The following KRABD3 variants were observed in gnomAD, a reference collection of about 807,000 sequenced individuals.
KRABD3 encodes the protein KRAB domain-containing protein 3.
chr7:149,721,439 C>T, the KRABD3 span: 1 of 1,612,664 alleles, frequency 6.2e-7, no homozygotes, highest in Non-Finnish European at 8.5e-7. Flanking sequence ...TCCAGACGGC[C>T]CTACCAGCCA....
the KRABD3 span, chr7:149,731,779 G>A: frequency 6.2e-7 from 1 of 1,603,044 alleles, no homozygotes; most frequent in Non-Finnish European, 8.5e-7. Flanking sequence ...AGTTGCAGGT[G>A]AACTGGTGGC....
the KRABD3 span, chr7:149,729,717 T>C: frequency 1.0e-6 from 1 of 985,248 alleles, no homozygotes; most frequent in Non-Finnish European, 1.2e-6. Flanking sequence ...CTGGGATGCC[T>C]TTGCTGAATA....
chr7:149,718,298 C>A, the KRABD3 span, among the ~76,000 whole-genome samples: 1 of 152,036 alleles, frequency 6.6e-6, no homozygotes, highest in African/African-American at 2.4e-5. Context: ...GGTGAATTGT[C>A]TTTGCTTTAT....
chr7:149,726,460 C>T, the KRABD3 span, among the ~76,000 whole-genome samples: 510 of 145,150 alleles, frequency 3.5e-3, 1 homozygote, highest in African/African-American at 0.012. Flanking sequence ...TTTTTTGAGA[C>T]GAGTCTAACT....
the KRABD3 span, chr7:149,733,167 C>G: frequency 3.2e-6 from 5 of 1,548,836 alleles, no homozygotes; most frequent in Admixed American, 5.6e-5. Flanking sequence ...AAGGTCCTTA[C>G]AAACCAGGAA....
At chr7:149,733,801 C>T in the KRABD3 span, 299 of 1,604,472 alleles carry the variant, frequency 1.9e-4, 2 homozygotes, top group African/African-American at 3.4e-3. Flanking sequence ...CTGCACACCC[C>T]CTCCTCGCAC....
At chr7:149,721,283 C>A in the KRABD3 span, 14 of 1,405,348 alleles carry the variant, frequency 1.0e-5, no homozygotes, top group African/African-American at 1.4e-5. Flanking sequence ...ACATCCTGGT[C>A]ATTGTTAGTA....
At chr7:149,724,983 C>G in the KRABD3 span, 2 of 759,234 alleles carry the variant, frequency 2.6e-6, no homozygotes, top group Non-Finnish European at 4.0e-6. Context: ...GCAGTGAATC[C>G]CTTCATCCAC....
At chr7:149,733,250 C>T in the KRABD3 span, 7 of 1,611,656 alleles carry the variant, frequency 4.3e-6, no homozygotes, top group East Asian at 8.9e-5. Flanking sequence ...GCCTGAGCTG[C>T]CCAGTGAGTC....
chr7:149,731,566 A>T, the KRABD3 span: 8 of 905,366 alleles, frequency 8.8e-6, no homozygotes, highest in Non-Finnish European at 1.2e-5. Context: ...ATCTCATTTA[A>T]TCATTGTTTA....
the KRABD3 span, chr7:149,723,854 A>G: frequency 6.2e-7 from 1 of 1,613,820 alleles, no homozygotes; most frequent in South Asian, 1.1e-5. Context: ...CGACGGCTAC[A>G]GGAGAATCCA....
At chr7:149,720,164 C>T in the KRABD3 span, 4 of 1,549,316 alleles carry the variant, frequency 2.6e-6, no homozygotes. Flanking sequence ...TCTCCTCCCA[C>T]TCATCGGTCC....
At chr7:149,722,301 C>A in the KRABD3 span, 1 of 1,390,348 alleles carries the variant, frequency 7.2e-7, no homozygotes, top group Non-Finnish European at 9.9e-7. Context: ...GCCCTCAGCC[C>A]ACCTCGAACA....
At chr7:149,715,036 G>A in the KRABD3 span, 3 of 1,228,910 alleles carry the variant, frequency 2.4e-6, no homozygotes, top group Non-Finnish European at 1.0e-6. Context: ...GAGGAGTGGC[G>A]GGGAGGCTGA....
At chr7:149,716,999 G>A in the KRABD3 span, among the ~76,000 whole-genome samples, 2 of 152,178 alleles carry the variant, frequency 1.3e-5, no homozygotes, top group African/African-American at 4.8e-5. Flanking sequence ...AACAAGGCAG[G>A]GATTGGAATT....
the KRABD3 span, chr7:149,719,744 A>T: frequency 6.6e-7 from 1 of 1,507,198 alleles, no homozygotes; most frequent in Non-Finnish European, 9.0e-7. The surrounding 1 kb of genome is among the most constrained non-coding windows in gnomAD (Gnocchi z 5.6). Flanking sequence ...GAGTCCCTGG[A>T]CCCGGCAGCC....
the KRABD3 span, chr7:149,720,820 G>A: frequency 1.3e-6 from 2 of 1,572,128 alleles, no homozygotes. Flanking sequence ...GGGGGTCACT[G>A]TGGCCTCTCT....
At chr7:149,723,683 G>A in the KRABD3 span, 1 of 1,573,016 alleles carries the variant, frequency 6.4e-7, no homozygotes, top group Non-Finnish European at 8.7e-7. Context: ...TGTTTGTCAT[G>A]AAGGCTGAGG....
the KRABD3 span, among the ~76,000 whole-genome samples, chr7:149,716,559 T>C: frequency 6.6e-6 from 1 of 152,226 alleles, no homozygotes; most frequent in African/African-American, 2.4e-5. Flanking sequence ...GGGAGGCCAC[T>C]GGCAGAAGCG....
Sources: allele counts gnomAD v4.1 joint callset (sites outside exome capture counted in the v4.1 genomes callset), GRCh38; gene constraint gnomAD v4.1.1; non-coding constraint Gnocchi (gnomAD v3.1); transcripts MANE v1.5; gene names NCBI Gene and HGNC (gene_info 2026-07-23, HGNC 2026-07-21).